Variants in ANKHD1 observed in about 807,000 individuals in gnomAD.
ANKHD1 encodes the protein ankyrin repeat and KH domain containing 1, also known as ankyrin repeat and KH domain-containing protein 1.
A neutral mutation model predicts 230.5 loss-of-function variants in ANKHD1; 31 were observed. The ratio of observed to expected loss-of-function variants is 0.13; its 90% CI spans 0.10 to 0.18. The LOEUF is 0.18. Among genes scored for constraint, ANKHD1 ranks in the 10% least tolerant of loss-of-function variants. The probability of loss-of-function intolerance (pLI) is 1.00; values close to 1 mark genes in which losing one functional copy is unlikely to be tolerated. For missense variants in ANKHD1, 2,256 were observed against 3,071.3 expected (o/e 0.73, Z 6.27); for synonymous variants, 1,074 against 1,117.6 (o/e 0.96, Z 0.78).
Position 140,539,494 on chromosome 5 carries a change from T to C in ANKHD1, c.*76T>C, listed in dbSNP as rs1190121701. The C allele has an allele frequency of 4.0e-6, 6 of 1,504,402 alleles. No individual in the cohort carries two copies. In the African/African-American group the frequency reaches 8.4e-5, roughly 21 times the overall value. 93.2% of individuals were successfully genotyped at this position (1,504,402 alleles called of 1,614,324 possible). ...AAGAACCATGGGGATTTTTTTTTAA[T>C]GTGCCTAAGAAATTTTCTCTGAGGC... On this transcript the variant is annotated 3_prime_UTR_variant, in exon 34 of 34. Coordinates refer to ENST00000360839, the MANE Select transcript of ANKHD1 (RefSeq NM_017747.3).
At chr5:140,523,329 A>G (rs1753445970) in intron 24 of ANKHD1, among the ~76,000 whole-genome samples, 1 of 151,858 alleles carries the variant, frequency 6.6e-6, no homozygotes, top group Non-Finnish European at 1.5e-5. Flanking sequence ...GCTAGTCTCA[A>G]ACTCCTGGGC....
At chr5:140,415,217 A>G (rs1771264128) in intron 1 of ANKHD1, among the ~76,000 whole-genome samples, 2 of 151,144 alleles carry the variant, frequency 1.3e-5, no homozygotes, top group South Asian at 4.2e-4. Context: ...TCCCATCTCT[A>G]CTAAAAAATA....
At chr5:140,494,874 TCAAA>T (rs1473759922) in intron 14 of ANKHD1, among the ~76,000 whole-genome samples, 1 of 152,256 alleles carries the variant, frequency 6.6e-6, no homozygotes, top group African/African-American at 2.4e-5. Flanking sequence ...CCAGCTTTTC[TCAAA>T]CAGCTTTATT....
intron 24 of ANKHD1, among the ~76,000 whole-genome samples, chr5:140,521,438 C>G (rs1474033813): frequency 6.6e-6 from 1 of 151,600 alleles, no homozygotes; most frequent in African/African-American, 2.4e-5. Flanking sequence ...AGTTCAAGAC[C>G]AGCCTGGGCA....
At chr5:140,430,811 C>T (rs1029399911) in intron 1 of ANKHD1, among the ~76,000 whole-genome samples, 2 of 151,836 alleles carry the variant, frequency 1.3e-5, no homozygotes, top group Admixed American at 6.6e-5. Context: ...GGCACATGGC[C>T]ACCATGCCTG....
intron 17 of ANKHD1, 127 bp downstream of exon 17, chr5:140,505,360 T>C: frequency 3.6e-6 from 4 of 1,125,272 alleles, no homozygotes; most frequent in Admixed American, 2.6e-5. Flanking sequence ...CAGTTAGGAA[T>C]ATCTGGATTC....
intron 24 of ANKHD1, among the ~76,000 whole-genome samples, chr5:140,514,230 C>T (rs1752886933): frequency 6.6e-6 from 1 of 150,582 alleles, no homozygotes; most frequent in Non-Finnish European, 1.5e-5. Flanking sequence ...TGTCATGGCT[C>T]ATGCCTGTAA....
At chr5:140,433,773 A>T (rs1649122240) in intron 1 of ANKHD1, among the ~76,000 whole-genome samples, 1 of 152,070 alleles carries the variant, frequency 6.6e-6, no homozygotes, top group African/African-American at 2.4e-5. Context: ...ATAAAATAGG[A>T]ATATTAATAT....
At chr5:140,490,911 A>G (rs902832466) in intron 14 of ANKHD1, among the ~76,000 whole-genome samples, 4 of 151,364 alleles carry the variant, frequency 2.6e-5, no homozygotes, top group African/African-American at 9.7e-5. Flanking sequence ...ATCATACTCA[A>G]TTTCTGGTGC....
At chr5:140,523,251 C>T (rs768490492) in intron 24 of ANKHD1, among the ~76,000 whole-genome samples, 1 of 151,084 alleles carries the variant, frequency 6.6e-6, no homozygotes. Context: ...GGACTACAGG[C>T]ATAGGTCACC....
At chr5:140,466,965 C>T (rs1776138579) in intron 10 of ANKHD1, among the ~76,000 whole-genome samples, 1 of 150,834 alleles carries the variant, frequency 6.6e-6, no homozygotes, top group Non-Finnish European at 1.5e-5. Context: ...CAGATAAATA[C>T]ATATCTTAAT....
At chr5:140,529,935 C>A in intron 29 of ANKHD1, 139 bp downstream of exon 29, 3 of 1,325,454 alleles carry the variant, frequency 2.3e-6, no homozygotes, top group Non-Finnish European at 3.0e-6. Flanking sequence ...ATTTTTCTGT[C>A]CCTCATAGTA....
chr5:140,537,991 C>T, intron 31 of ANKHD1, 95 bp from the exon 32 acceptor site: 3 of 1,479,538 alleles, frequency 2.0e-6, no homozygotes, highest in African/African-American at 2.8e-5. Flanking sequence ...GGAAAGATTT[C>T]AGTAACATTT....
At position 140,510,838 on chromosome 5, in the gene ANKHD1, A is replaced by G. The variant is rs572718607; in HGVS notation, c.4104+657A>G. Among the ~76,000 whole-genome samples the G allele has an allele frequency of 1.5e-4, 22 of 151,084 alleles. No individual in the cohort carries two copies. In the East Asian group the frequency reaches 4.2e-3, roughly 29 times the overall value. On this transcript the variant is annotated intron_variant, in intron 22 of 33. Transcript: ENST00000360839. ...GTGTGCGTGTGTGTGTGTGTGTGTGAGTATGAAACGGTCTCAGTCTGTCAA... is the reference window on the plus strand; with the variant it reads ...GTGTGCGTGTGTGTGTGTGTGTGTGGGTATGAAACGGTCTCAGTCTGTCAA...
At chr5:140,451,447 C>G (rs1228753420) in intron 7 of ANKHD1, among the ~76,000 whole-genome samples, 1 of 152,136 alleles carries the variant, frequency 6.6e-6, no homozygotes, top group Non-Finnish European at 1.5e-5. Flanking sequence ...TAAGGCTGGG[C>G]TAGTCAGTTA....
chr5:140,515,026 C>T, intron 24 of ANKHD1, among the ~76,000 whole-genome samples: 1 of 151,688 alleles, frequency 6.6e-6, no homozygotes, highest in East Asian at 1.9e-4. Context: ...GCCTGTAATC[C>T]CAGCACTTTG....
intron 1 of ANKHD1, among the ~76,000 whole-genome samples, chr5:140,430,620 C>T (rs757851247): frequency 6.7e-6 from 1 of 149,454 alleles, no homozygotes; most frequent in African/African-American, 2.5e-5. Flanking sequence ...TCATATTTAA[C>T]ATATCTCCAC....
chr5:140,428,351 G>A (rs1772717878), intron 1 of ANKHD1, among the ~76,000 whole-genome samples: 1 of 152,264 alleles, frequency 6.6e-6, no homozygotes, highest in African/African-American at 2.4e-5. Flanking sequence ...GCACCATTGA[G>A]CACTGAGTGA....
intron 1 of ANKHD1, among the ~76,000 whole-genome samples, chr5:140,421,035 G>A (rs1165249829): frequency 6.6e-6 from 1 of 152,160 alleles, no homozygotes; most frequent in Non-Finnish European, 1.5e-5. Context: ...AAATTTGCCA[G>A]ACTGCTAGGA....
Sources: allele counts gnomAD v4.1 joint callset (sites outside exome capture counted in the v4.1 genomes callset), GRCh38; gene constraint gnomAD v4.1.1; transcripts MANE v1.5; gene names NCBI Gene and HGNC (gene_info 2026-07-23, HGNC 2026-07-21).